Variants in NUP54 observed in about 807,000 individuals in gnomAD.
The protein encoded by NUP54 is nucleoporin p54.
NUP54 carries 27 observed loss-of-function variants against 66.4 expected under a neutral mutation model. That is an observed-to-expected ratio of 0.41 (90% CI 0.30 to 0.56). The LOEUF is 0.56. Among genes scored for constraint, NUP54 ranks in the 20% least tolerant of loss-of-function variants. The pLI is 0.34. For synonymous variants in NUP54, 206 were observed against 210.7 expected (o/e 0.98, Z 0.19); for missense variants, 486 against 596.3 (o/e 0.82, Z 1.93).
Position 76,144,201 on chromosome 4 carries a change from CAAACCAGTACCT to C in NUP54, c.231_242del (p.Thr83_Gly86del), listed in dbSNP as rs1198748042. ...ATCCTCCAAATCCCAGTCCAGTTCC[CAAACCAGTACCT>C]AAACCAGTACTAGTTCCCGTTGTTG... On this transcript the variant is annotated inframe_deletion, in exon 3 of 12. Transcript: ENST00000264883. The C allele has an allele frequency of 3.7e-6, 6 of 1,613,866 alleles. No homozygotes were observed. Among genetic ancestry groups the C allele is most frequent in the South Asian group, 2.2e-5 (2 of 91,082 alleles).
chr4:76,117,580 T>C (rs1347097472), intron 11 of NUP54, 84 bp downstream of exon 11: 6 of 821,368 alleles, frequency 7.3e-6, no homozygotes, highest in African/African-American at 1.7e-5. Flanking sequence ...CACTAACACT[T>C]TTCTTATTAG....
intron 3 of NUP54, among the ~76,000 whole-genome samples, chr4:76,138,279 T>C (rs1180883899): frequency 6.6e-6 from 1 of 152,196 alleles, no homozygotes; most frequent in East Asian, 1.9e-4. Flanking sequence ...ATGAGATGAA[T>C]CAACTGTGAT....
intron 8 of NUP54, among the ~76,000 whole-genome samples, chr4:76,129,439 G>A (rs1432945275): frequency 1.3e-5 from 2 of 152,088 alleles, no homozygotes; most frequent in Non-Finnish European, 2.9e-5. Context: ...CAAACTAGCA[G>A]ACAGAAAAAA....
intron 1 of NUP54, among the ~76,000 whole-genome samples, chr4:76,144,997 C>T (rs1731423707): frequency 6.6e-6 from 1 of 152,128 alleles, no homozygotes; most frequent in Admixed American, 6.6e-5. Flanking sequence ...CCAAGAGAAA[C>T]AGGAAATCTG....
intron 5 of NUP54, among the ~76,000 whole-genome samples, chr4:76,133,110 C>G (rs1357273618): frequency 6.6e-6 from 1 of 151,262 alleles, no homozygotes; most frequent in Non-Finnish European, 1.5e-5. Context: ...GTTGCCTAGG[C>G]TAGTCTCAAA....
At chr4:76,123,060 C>T (rs749888451) in intron 9 of NUP54, among the ~76,000 whole-genome samples, 9 of 152,090 alleles carry the variant, frequency 5.9e-5, no homozygotes, top group Non-Finnish European at 1.0e-4. Flanking sequence ...TGCAGTGAAA[C>T]GGGGAAGTGA....
In NUP54 at chr4:76,125,629, AGGGG is replaced by A. The variant is rs1209673811; in HGVS notation, c.1057-877_1057-874del. Among the ~76,000 whole-genome samples the A allele has an allele frequency of 4.0e-3, 69 of 17,114 alleles. 5 individuals carry two copies. Among genetic ancestry groups the A allele is most frequent in the East Asian group, 0.033 (5 of 152 alleles). The allele number at this position is 17,114 out of a possible 152,430, so 11.2% of individuals were successfully genotyped here. On this transcript the variant is annotated intron_variant, in intron 8 of 11. Coordinates refer to ENST00000264883, the MANE Select transcript of NUP54 (RefSeq NM_017426.4). ...CAGCATGGGCAAGAGGGAGAGGGAG[AGGGG>A]GAGAGGGGGAGAGGGGGAGAGGGAG... is the stretch of plus-strand genomic sequence containing the variant.
intron 9 of NUP54, among the ~76,000 whole-genome samples, chr4:76,121,096 G>A (rs991991865): frequency 6.6e-6 from 1 of 152,088 alleles, no homozygotes; most frequent in East Asian, 1.9e-4. Context: ...ATACAGCTTT[G>A]AAAGTTTCTT....
chr4:76,144,479 T>TA lies in NUP54; in HGVS notation c.68-7dup. The TA allele has an allele frequency of 6.4e-7, 1 of 1,573,352 alleles. No homozygotes were observed. Among genetic ancestry groups the TA allele is most frequent in the Non-Finnish European group, 8.6e-7 (1 of 1,166,562 alleles). ...CCCAAATCCTCCAAACCCACCTAAT[T>TA]AAAAAAGAACAAAAATAGAAAGGAA... is the stretch of plus-strand genomic sequence containing the variant. On this transcript the variant is annotated splice_polypyrimidine_tract_variant and splice_region_variant and intron_variant, in intron 1 of 11. Coordinates refer to ENST00000264883, the MANE Select transcript of NUP54 (RefSeq NM_017426.4).
chr4:76,140,473 A>C (rs1489102016), intron 3 of NUP54, among the ~76,000 whole-genome samples: 1 of 151,754 alleles, frequency 6.6e-6, no homozygotes, highest in Non-Finnish European at 1.5e-5. Flanking sequence ...TTTAGTGGAG[A>C]TGGGTTTCAC....
intron 11 of NUP54, among the ~76,000 whole-genome samples, chr4:76,117,452 G>C (rs1729998299): frequency 6.6e-6 from 1 of 152,106 alleles, no homozygotes; most frequent in Non-Finnish European, 1.5e-5. Flanking sequence ...AGACCTGCTA[G>C]ATCATATCGT....
chr4:76,116,005 G>A (rs1255917794), intron 11 of NUP54, among the ~76,000 whole-genome samples: 1 of 152,116 alleles, frequency 6.6e-6, no homozygotes, highest in Non-Finnish European at 1.5e-5. Context: ...ATCCTTTTGA[G>A]CCCCCTTTGG....
intron 11 of NUP54, among the ~76,000 whole-genome samples, chr4:76,116,649 A>G (rs1729963620): frequency 6.6e-6 from 1 of 152,232 alleles, no homozygotes; most frequent in Non-Finnish European, 1.5e-5. Context: ...CCAAATGTTT[A>G]TAACTTACAT....
At chr4:76,136,543 T>A in intron 3 of NUP54, 131 bp from the exon 4 acceptor site, 1 of 640,328 alleles carries the variant, frequency 1.6e-6, no homozygotes, top group Non-Finnish European at 2.7e-6. Context: ...CCTATAAATA[T>A]GTTATCTTAC....
Position 76,134,196 on chromosome 4 carries a change from G to A in NUP54, c.689C>T (p.Thr230Ile), listed in dbSNP as rs1163946367. 1 of 1,611,940 alleles carries A rather than the reference G, an allele frequency of 6.2e-7. No individual in the cohort carries two copies. The highest frequency in any genetic ancestry group is 8.5e-7 in the Non-Finnish European group (1 of 1,178,512). Residue 230 changes from threonine to isoleucine, a missense_variant, in exon 5 of 12, where the codon ACT becomes ATT. Transcript: ENST00000264883. Reference sequence around the variant, plus strand: ...TTACTGATCATCTGGCAATGTTTTAGTGCCCTCTACATTTACAGTAAGGGT... The same window carrying A: ...TTACTGATCATCTGGCAATGTTTTAATGCCCTCTACATTTACAGTAAGGGT... ...NQTLTVNVEG[T>I]KTLPDDQTEV...
At chr4:76,134,043 T>TAATC (rs1730925922) in intron 5 of NUP54, 132 bp downstream of exon 5, 1 of 622,792 alleles carries the variant, frequency 1.6e-6, no homozygotes, top group South Asian at 3.0e-5. Context: ...CAATACTGAA[T>TAATC]AATCACTAGC....
At chr4:76,135,690 C>G (rs926658216) in intron 4 of NUP54, among the ~76,000 whole-genome samples, 1 of 152,190 alleles carries the variant, frequency 6.6e-6, no homozygotes, top group Non-Finnish European at 1.5e-5. Context: ...CCAAATGGAC[C>G]TAAATACTCT....
chr4:76,121,849 TTAC>T (rs1730250538), intron 9 of NUP54, among the ~76,000 whole-genome samples: 1 of 152,210 alleles, frequency 6.6e-6, no homozygotes, highest in Non-Finnish European at 1.5e-5. Flanking sequence ...TCTAGCCAGC[TTAC>T]TACATTAATT....
At chr4:76,141,025 G>A (rs1731247985) in intron 3 of NUP54, among the ~76,000 whole-genome samples, 1 of 152,220 alleles carries the variant, frequency 6.6e-6, no homozygotes, top group African/African-American at 2.4e-5. Context: ...GATAATCCAT[G>A]CTTTGGCTTG....
Sources: gnomAD v4.1 joint callset for allele counts (sites outside exome capture counted in the v4.1 genomes callset) on GRCh38, gnomAD v4.1.1 for gene constraint, MANE v1.5 for transcripts, NCBI Gene and HGNC (gene_info 2026-07-23, HGNC 2026-07-21) for gene names.